Variants in UTRN observed in about 807,000 individuals in gnomAD.
UTRN encodes the protein dystrophin-related protein 1.
UTRN carries 283 observed loss-of-function variants against 463.9 expected under a neutral mutation model. The observed-to-expected ratio is 0.61, with a 90% CI of 0.55 to 0.67. UTRN has a LOEUF of 0.67. Ranked by LOEUF, UTRN falls within the 30% of genes least tolerant of loss-of-function variation. The pLI, the probability that UTRN is intolerant of heterozygous loss-of-function variation, is 0.00. For missense variants in UTRN, 3,922 were observed against 4,084.3 expected (o/e 0.96, Z 1.08); for synonymous variants, 1,442 against 1,431.5 (o/e 1.01, Z -0.17).
Position 144,722,175 on chromosome 6 carries a change from C to G in UTRN, c.7810-8182C>G, listed in dbSNP as rs368538147. Among the ~76,000 whole-genome samples, 20 of 152,306 alleles carry G rather than the reference C, an allele frequency of 1.3e-4. No homozygotes were observed. In the East Asian group the frequency reaches 3.9e-3, roughly 29 times the overall value. On this transcript the variant is annotated intron_variant, in intron 53 of 74. Coordinates refer to ENST00000367545, the MANE Select transcript of UTRN (RefSeq NM_007124.3). ...AAACATTTTAACAGAAGCAATCACC[C>G]TCATTCTTCACTCACTCAGCTCTGA...
intron 2 of UTRN, among the ~76,000 whole-genome samples, chr6:144,386,854 A>C (rs1236157302): frequency 1.3e-5 from 2 of 152,118 alleles, no homozygotes; most frequent in African/African-American, 4.8e-5. Context: ...GGCGGATATT[A>C]AAACACTCCA....
At chr6:144,395,028 G>T (rs772065799) in intron 2 of UTRN, among the ~76,000 whole-genome samples, 7 of 152,054 alleles carry the variant, frequency 4.6e-5, no homozygotes, top group Admixed American at 2.6e-4. Context: ...TAATGAGATA[G>T]TTGCTTTTTC....
chr6:144,676,988 A>T (rs1401465311), intron 51 of UTRN, among the ~76,000 whole-genome samples: 2 of 152,190 alleles, frequency 1.3e-5, no homozygotes, highest in Admixed American at 1.3e-4. Context: ...CAGTTGTATA[A>T]GATTTCAAAA....
chr6:144,811,685 C>A (rs1778625501), intron 65 of UTRN, among the ~76,000 whole-genome samples: 1 of 151,152 alleles, frequency 6.6e-6, no homozygotes, highest in Non-Finnish European at 1.5e-5. Context: ...GTCTGAATTT[C>A]AACTTGTTGA....
At chr6:144,301,536 C>CTTTTTTTTTT (rs200484231) in intron 2 of UTRN, among the ~76,000 whole-genome samples, 8 of 92,738 alleles carry the variant, frequency 8.6e-5, no homozygotes, top group Non-Finnish European at 1.7e-4. Context: ...TTCTTTCTTT[C>CTTTTTTTTTT]TTTTTTTTTT....
intron 43 of UTRN, among the ~76,000 whole-genome samples, chr6:144,536,576 T>G (rs959592718): frequency 2.0e-5 from 3 of 152,124 alleles, no homozygotes; most frequent in African/African-American, 7.2e-5. Context: ...AGAAGTATTA[T>G]CTAATATTTT....
At chr6:144,845,644 C>G (rs551252122) in intron 73 of UTRN, among the ~76,000 whole-genome samples, 71 of 152,272 alleles carry the variant, frequency 4.7e-4, no homozygotes, top group African/African-American at 1.5e-3. Context: ...TTGTTACTTG[C>G]AAGAGAAGCA....
chr6:144,476,457 A>C (rs528703024), intron 25 of UTRN, among the ~76,000 whole-genome samples: 2 of 152,134 alleles, frequency 1.3e-5, no homozygotes, highest in Non-Finnish European at 2.9e-5. Flanking sequence ...TGTGTGATAG[A>C]AGAAAAAGTG....
At chr6:144,807,143 G>C (rs1293472294) in intron 65 of UTRN, among the ~76,000 whole-genome samples, 1 of 152,156 alleles carries the variant, frequency 6.6e-6, no homozygotes, top group East Asian at 1.9e-4. Context: ...TAGTTAAGAA[G>C]ATGCTCCAGT....
chr6:144,446,866 C>T (rs973056124), intron 14 of UTRN, among the ~76,000 whole-genome samples: 3 of 152,188 alleles, frequency 2.0e-5, no homozygotes, highest in African/African-American at 2.4e-5. Context: ...AGACAATCTC[C>T]GAGCTTACTT....
chr6:144,484,991 C>T (rs1169948501), intron 27 of UTRN, among the ~76,000 whole-genome samples: 3 of 151,790 alleles, frequency 2.0e-5, no homozygotes, highest in Admixed American at 6.6e-5. Flanking sequence ...CTCAGCTCAC[C>T]GCAACCTCCG....
intron 1 of UTRN, among the ~76,000 whole-genome samples, chr6:144,290,563 G>A (rs999454715): frequency 6.6e-6 from 1 of 152,130 alleles, no homozygotes; most frequent in Non-Finnish European, 1.5e-5. Flanking sequence ...ACTTGGTTAA[G>A]ATTAGGAATT....
intron 51 of UTRN, among the ~76,000 whole-genome samples, chr6:144,626,533 C>T (rs1171841635): frequency 1.3e-5 from 2 of 152,342 alleles, no homozygotes; most frequent in Non-Finnish European, 1.5e-5. Flanking sequence ...GCAGAAAAAT[C>T]GGTAGATTTG....
chr6:144,824,433 T>A (rs9390231), intron 66 of UTRN, among the ~76,000 whole-genome samples: 21,257 of 137,398 alleles, frequency 0.15, 2,516 homozygotes, highest in East Asian at 0.45. Context: ...CACACACACA[T>A]TGTATATATA....
At chr6:144,818,384 CTG>C (rs1449443073) in intron 65 of UTRN, among the ~76,000 whole-genome samples, 2 of 152,096 alleles carry the variant, frequency 1.3e-5, no homozygotes, top group Non-Finnish European at 2.9e-5. Flanking sequence ...GAAGTGTAAA[CTG>C]TACCTTACCC....
At chr6:144,492,116 C>G (rs1207261870) in intron 32 of UTRN, among the ~76,000 whole-genome samples, 3 of 152,138 alleles carry the variant, frequency 2.0e-5, no homozygotes, top group African/African-American at 7.2e-5. Context: ...CGACTGAACC[C>G]ATCACCCAAA....
intron 9 of UTRN, 53 bp downstream of exon 9, chr6:144,429,794 A>G: frequency 6.3e-7 from 1 of 1,577,274 alleles, no homozygotes; most frequent in South Asian, 1.2e-5. Context: ...GTTTTCTCCT[A>G]GGTACTAGAT....
intron 19 of UTRN, 149 bp from the exon 20 acceptor site, chr6:144,458,621 A>T: frequency 1.2e-6 from 1 of 809,874 alleles, no homozygotes; most frequent in Non-Finnish European, 1.8e-6. Flanking sequence ...CATCATTATA[A>T]ATTTTTGTTG....
At chr6:144,347,837 G>GTGTT (rs1777718120) in intron 2 of UTRN, among the ~76,000 whole-genome samples, 5 of 128,902 alleles carry the variant, frequency 3.9e-5, no homozygotes, top group African/African-American at 1.4e-4. Context: ...CTTATTCTTT[G>GTGTT]TTTTTTTTTT....
Sources: gnomAD v4.1 joint callset for allele counts (sites outside exome capture counted in the v4.1 genomes callset) on GRCh38, gnomAD v4.1.1 for gene constraint, MANE v1.5 for transcripts, NCBI Gene and HGNC (gene_info 2026-07-23, HGNC 2026-07-21) for gene names.